UQCC1: variants seen among roughly 807,000 people sequenced by gnomAD.
UQCC1 encodes ubiquinol-cytochrome c reductase complex assembly factor 1.
In UQCC1, 38 loss-of-function variants were observed where a neutral mutation model predicts 48.0. That is an observed-to-expected ratio of 0.79 (90% CI 0.61 to 1.04). The LOEUF (loss-of-function observed/expected upper bound fraction) is 1.04, where lower values mean the gene tolerates loss of function less well. Ranked by LOEUF, UQCC1 falls within the 50% of genes least tolerant of loss-of-function variation. The pLI is 0.00. For synonymous variants in UQCC1, 111 were observed against 129.2 expected (o/e 0.86, Z 0.95); for missense variants, 368 against 381.8 (o/e 0.96, Z 0.30).
At chr20:35,327,416 T>C (rs199887789) in intron 7 of UQCC1, among the ~76,000 whole-genome samples, 2 of 152,312 alleles carry the variant, frequency 1.3e-5, no homozygotes, top group East Asian at 1.9e-4. Flanking sequence ...GCTGAAGACA[T>C]GAGGAAGCAA....
At chr20:35,382,103 G>T in intron 3 of UQCC1, 78 bp from the exon 4 acceptor site, 2 of 880,486 alleles carry the variant, frequency 2.3e-6, no homozygotes, top group Non-Finnish European at 3.6e-6. Flanking sequence ...CATCAGGTCT[G>T]AGAGCATTTT....
chr20:35,397,439 C>G (rs752028621), intron 1 of UQCC1, among the ~76,000 whole-genome samples: 7 of 149,944 alleles, frequency 4.7e-5, no homozygotes, highest in Non-Finnish European at 1.0e-4. Context: ...TGGCATGAAC[C>G]CGGGAGGCGG....
At chr20:35,403,612 G>A (rs1018418763) in intron 1 of UQCC1, among the ~76,000 whole-genome samples, 8 of 152,124 alleles carry the variant, frequency 5.3e-5, no homozygotes, top group South Asian at 2.1e-4. Context: ...ACACACACAC[G>A]TATGTTTACT....
intron 4 of UQCC1, among the ~76,000 whole-genome samples, chr20:35,380,151 AAC>A (rs1418421118): frequency 6.6e-6 from 1 of 152,174 alleles, no homozygotes; most frequent in Non-Finnish European, 1.5e-5. Flanking sequence ...CTAATTTTCA[AAC>A]AAAACATATA....
At chr20:35,338,960 C>T (rs556698052) in intron 7 of UQCC1, among the ~76,000 whole-genome samples, 5 of 133,696 alleles carry the variant, frequency 3.7e-5, no homozygotes, top group Middle Eastern at 4.6e-3. Flanking sequence ...GACTCAGAAC[C>T]GCTGAATAGA....
At chr20:35,319,016 T>A (rs973037902) in intron 7 of UQCC1, among the ~76,000 whole-genome samples, 8 of 152,222 alleles carry the variant, frequency 5.3e-5, no homozygotes, top group Non-Finnish European at 1.0e-4. Flanking sequence ...GTTCTCTTAT[T>A]AAACTCATCC....
chr20:35,374,399 AT>A (rs750983222), intron 4 of UQCC1, 143 bp from the exon 5 acceptor site: 33 of 510,150 alleles, frequency 6.5e-5, no homozygotes, highest in East Asian at 1.4e-4. Flanking sequence ...ACCAATATAA[AT>A]TTTTTTTGTT....
chr20:35,322,332 C>A (rs185300457), intron 7 of UQCC1, among the ~76,000 whole-genome samples: 2 of 152,060 alleles, frequency 1.3e-5, no homozygotes, highest in East Asian at 3.9e-4. Flanking sequence ...ATAATATTTT[C>A]ATTTTATTAT....
chr20:35,331,982 T>A (rs150162319), intron 7 of UQCC1, among the ~76,000 whole-genome samples: 1 of 152,196 alleles, frequency 6.6e-6, no homozygotes, highest in Admixed American at 6.5e-5. Flanking sequence ...GAGGATGGAA[T>A]GGAGACAATG....
chr20:35,344,539 G>A (rs2061412841), intron 7 of UQCC1: 1 of 152,230 alleles, frequency 6.6e-6, no homozygotes, highest in South Asian at 2.1e-4. Context: ...TGACCAGGAG[G>A]TATCTCTGGC....
At chr20:35,364,329 T>C (rs1305752798) in intron 6 of UQCC1, among the ~76,000 whole-genome samples, 6 of 152,244 alleles carry the variant, frequency 3.9e-5, no homozygotes, top group Non-Finnish European at 8.8e-5. Context: ...TGCCTGTGTC[T>C]TGGGCACAGC....
chr20:35,355,071 T>A (rs886314472), intron 6 of UQCC1, among the ~76,000 whole-genome samples: 7 of 151,988 alleles, frequency 4.6e-5, no homozygotes, highest in African/African-American at 1.5e-4. Context: ...TCTGTGCACA[T>A]CTTTGGGATG....
At chr20:35,363,616 A>G (rs1405641707) in intron 6 of UQCC1, among the ~76,000 whole-genome samples, 1 of 152,348 alleles carries the variant, frequency 6.6e-6, no homozygotes, top group African/African-American at 2.4e-5. Context: ...AAGAGTCAAC[A>G]GGGAACCCTT....
intron 1 of UQCC1, among the ~76,000 whole-genome samples, chr20:35,406,948 A>G (rs913474291): frequency 1.8e-4 from 27 of 152,364 alleles, no homozygotes; most frequent in Admixed American, 1.2e-3. Flanking sequence ...TTGTAATCCC[A>G]GGGCAGCCAC....
intron 4 of UQCC1, among the ~76,000 whole-genome samples, chr20:35,377,722 A>C (rs969420461): frequency 2.0e-5 from 3 of 152,190 alleles, no homozygotes; most frequent in African/African-American, 7.2e-5. Flanking sequence ...CTATATATAA[A>C]GTCCTGGGTT....
intron 7 of UQCC1, among the ~76,000 whole-genome samples, chr20:35,336,265 T>C (rs1309210508): frequency 6.6e-6 from 1 of 152,128 alleles, no homozygotes; most frequent in Non-Finnish European, 1.5e-5. Flanking sequence ...TGCCTAACAG[T>C]GGTAGGTAGG....
chr20:35,321,283 T>TGTGTGC (rs1389196330), intron 7 of UQCC1, among the ~76,000 whole-genome samples: 208 of 141,586 alleles, frequency 1.5e-3, no homozygotes, highest in South Asian at 5.2e-3. Flanking sequence ...TGTGTGTGTG[T>TGTGTGC]GCGCGCGCGC....
chr20:35,305,076 T>G (rs2060914000), intron 9 of UQCC1, among the ~76,000 whole-genome samples: 1 of 152,232 alleles, frequency 6.6e-6, no homozygotes, highest in South Asian at 2.1e-4. Flanking sequence ...CTGCTCTTCC[T>G]TTCCCGGCCT....
intron 7 of UQCC1, chr20:35,344,215 T>C (rs1173835888): frequency 6.6e-6 from 1 of 152,252 alleles, no homozygotes; most frequent in Non-Finnish European, 1.5e-5. Context: ...TCTGCTTTTA[T>C]AAAACTTACA....
Sources: allele counts gnomAD v4.1 joint callset (sites outside exome capture counted in the v4.1 genomes callset), GRCh38; gene constraint gnomAD v4.1.1; transcripts MANE v1.5; gene names NCBI Gene and HGNC (gene_info 2026-07-23, HGNC 2026-07-21).